Variants in GLI3 observed in about 807,000 individuals in gnomAD.
GLI3 encodes the protein transcription activator GLI3.
Under a neutral mutation model 100.8 loss-of-function variants are expected in GLI3, and 20 were observed. That is an observed-to-expected ratio of 0.20 (90% CI 0.14 to 0.29). GLI3 has a LOEUF of 0.29. GLI3 is among the 10% of genes least tolerant of loss of function. GLI3 has a pLI of 1.00. For missense variants in GLI3, 2,040 were observed against 2,128.5 expected (o/e 0.96, Z 0.82); for synonymous variants, 938 against 860.5 (o/e 1.09, Z -1.58).
At chr7:41,967,352 G>A (rs1266748368) in intron 14 of GLI3, among the ~76,000 whole-genome samples, 1 of 152,146 alleles carries the variant, frequency 6.6e-6, no homozygotes, top group Non-Finnish European at 1.5e-5. Context: ...TAACAGTTAT[G>A]ATTTCACCAT....
intron 10 of GLI3, among the ~76,000 whole-genome samples, chr7:42,018,469 T>C (rs939061467): frequency 6.6e-6 from 1 of 152,210 alleles, no homozygotes; most frequent in African/African-American, 2.4e-5. Flanking sequence ...CGAAATTATA[T>C]GGGAAACATT....
At chr7:42,104,030 T>C (rs1785522898) in intron 3 of GLI3, among the ~76,000 whole-genome samples, 1 of 152,226 alleles carries the variant, frequency 6.6e-6, no homozygotes, top group South Asian at 2.1e-4. Flanking sequence ...TTTCCTTGAC[T>C]GTTCACTGTA....
Position 42,088,558 on chromosome 7 carries a change from A to G in GLI3, c.368-11701T>C, listed in dbSNP as rs78439709. Among the ~76,000 whole-genome samples, 21 of 152,340 alleles carry G rather than the reference A, an allele frequency of 1.4e-4. No individual in the cohort carries two copies. The East Asian group carries it at 3.9e-3, about 28-fold the overall frequency. On this transcript the variant is annotated intron_variant, in intron 3 of 14. Coordinates refer to ENST00000395925, the MANE Select transcript of GLI3 (RefSeq NM_000168.6). ...GCCTTGGATGTCTAACCTATGCTAT[A>G]GGCAAGAGGCATCCTGCCTGGGCCT...
chr7:42,215,015 C>T (rs1348043183), intron 2 of GLI3, among the ~76,000 whole-genome samples: 1 of 152,076 alleles, frequency 6.6e-6, no homozygotes, highest in Non-Finnish European at 1.5e-5. Context: ...TAACAGGACC[C>T]AGAAGAAACA....
chr7:42,091,182 C>G (rs555253185), intron 3 of GLI3, among the ~76,000 whole-genome samples: 40 of 152,370 alleles, frequency 2.6e-4, no homozygotes, highest in African/African-American at 9.6e-4. Flanking sequence ...TGGAGCTGGT[C>G]CTGAGTACAC....
At chr7:42,202,435 T>C (rs148289060) in intron 2 of GLI3, among the ~76,000 whole-genome samples, 1 of 151,824 alleles carries the variant, frequency 6.6e-6, no homozygotes, top group African/African-American at 2.4e-5. Flanking sequence ...CTAAACATGC[T>C]TCCTGGTTCT....
intron 7 of GLI3, among the ~76,000 whole-genome samples, chr7:42,032,170 C>T (rs1034265687): frequency 1.3e-5 from 2 of 152,120 alleles, no homozygotes; most frequent in Admixed American, 6.5e-5. Context: ...AGTCTACACA[C>T]TGCATCTCAT....
intron 11 of GLI3, among the ~76,000 whole-genome samples, chr7:41,978,079 T>G (rs1340155278): frequency 1.3e-5 from 2 of 152,168 alleles, no homozygotes; most frequent in Non-Finnish European, 2.9e-5. Flanking sequence ...GACATGGAAT[T>G]TGATCATGTT....
intron 2 of GLI3, chr7:42,151,188 C>T (rs373237494): frequency 2.6e-5 from 4 of 152,062 alleles, no homozygotes; most frequent in Non-Finnish European, 4.4e-5. Context: ...CACACCTCCC[C>T]GCTCCAAAAG....
At chr7:42,108,870 C>A (rs1328561048) in intron 3 of GLI3, among the ~76,000 whole-genome samples, 2 of 152,094 alleles carry the variant, frequency 1.3e-5, no homozygotes, top group African/African-American at 4.8e-5. Context: ...TTGCAAGAAT[C>A]CTTTGCACGA....
intron 3 of GLI3, among the ~76,000 whole-genome samples, chr7:42,133,120 G>A (rs1419600978): frequency 6.6e-6 from 1 of 152,040 alleles, no homozygotes; most frequent in Non-Finnish European, 1.5e-5. Context: ...TTGAAGAATG[G>A]AATTTGTTTA....
chr7:42,199,830 C>T (rs1583641668), intron 2 of GLI3, among the ~76,000 whole-genome samples: 1 of 152,048 alleles, frequency 6.6e-6, no homozygotes, highest in Non-Finnish European at 1.5e-5. Flanking sequence ...TCGAGGCAGG[C>T]GGATCACATA....
At chr7:41,984,257 T>C (rs1787752880) in intron 10 of GLI3, among the ~76,000 whole-genome samples, 1 of 152,208 alleles carries the variant, frequency 6.6e-6, no homozygotes. Flanking sequence ...TATTTCACTA[T>C]TAGCTCAGAG....
At chr7:42,242,668 C>A (rs1788937138), upstream of GLI3, among the ~76,000 whole-genome samples, 1 of 152,156 alleles carries the variant, frequency 6.6e-6, no homozygotes, top group African/African-American at 2.4e-5. Context: ...TGCAGAAAAA[C>A]AAAGAGCCCT....
At chr7:42,112,170 A>G (rs1298495329) in intron 3 of GLI3, among the ~76,000 whole-genome samples, 1 of 152,278 alleles carries the variant, frequency 6.6e-6, no homozygotes, top group South Asian at 2.1e-4. Flanking sequence ...CTGGAAACCA[A>G]CGCTTTTTCT....
intron 13 of GLI3, among the ~76,000 whole-genome samples, chr7:41,968,783 A>AGAAAGAAAAAGAAAGAAAGAAG (rs1787292496): frequency 7.3e-6 from 1 of 137,474 alleles, no homozygotes; most frequent in African/African-American, 2.8e-5. Context: ...AAAGAAAGAA[A>AGAAAGAAAAAGAAAGAAAGAAG]GAAAGAAAGA....
At chr7:42,240,888 C>A (rs1165760514), upstream of GLI3, among the ~76,000 whole-genome samples, 2 of 152,186 alleles carry the variant, frequency 1.3e-5, no homozygotes, top group African/African-American at 2.4e-5. Context: ...TCCTCTGATT[C>A]CTACCATGGG....
At chr7:42,174,307 C>T (rs1583621524) in intron 2 of GLI3, among the ~76,000 whole-genome samples, 3 of 152,234 alleles carry the variant, frequency 2.0e-5, no homozygotes, top group Admixed American at 2.0e-4. Flanking sequence ...TTTCTTTTGA[C>T]GTTGCTTATG....
intron 10 of GLI3, among the ~76,000 whole-genome samples, chr7:42,013,449 G>C (rs984191384): frequency 4.6e-5 from 7 of 151,662 alleles, no homozygotes; most frequent in Non-Finnish European, 1.0e-4. Flanking sequence ...CTGGAGTACA[G>C]TGGTGCAATC....
Sources: allele counts gnomAD v4.1 joint callset (sites outside exome capture counted in the v4.1 genomes callset), GRCh38; gene constraint gnomAD v4.1.1; transcripts MANE v1.5; gene names NCBI Gene and HGNC (gene_info 2026-07-23, HGNC 2026-07-21).